The following PPFIA2 variants were observed in gnomAD, a reference collection of about 807,000 sequenced individuals.
PPFIA2 encodes PPFI scaffold protein A2.
In PPFIA2, 46 loss-of-function variants were observed where a neutral mutation model predicts 175.5. The ratio of observed to expected loss-of-function variants is 0.26; its 90% CI spans 0.21 to 0.34. The LOEUF is 0.34. PPFIA2 is among the 10% of genes least tolerant of loss of function. The pLI, the probability that PPFIA2 is intolerant of heterozygous loss-of-function variation, is 1.00. For missense variants in PPFIA2, 1,179 were observed against 1,506.1 expected (o/e 0.78, Z 3.60); for synonymous variants, 568 against 511.4 (o/e 1.11, Z -1.49).
chr12:81,668,383 TC>T (rs1487623574), intron 4 of PPFIA2, among the ~76,000 whole-genome samples: 1 of 152,006 alleles, frequency 6.6e-6, no homozygotes, highest in Non-Finnish European at 1.5e-5. Context: ...GACTTCTACC[TC>T]CCAAATTTAC....
intron 3 of PPFIA2, among the ~76,000 whole-genome samples, chr12:81,743,140 T>C (rs895168021): frequency 9.9e-5 from 15 of 151,770 alleles, no homozygotes; most frequent in Non-Finnish European, 1.6e-4. Flanking sequence ...CAAACAAGGC[T>C]GGGCATGGTG....
At chr12:81,586,298 G>A (rs951019739) in intron 4 of PPFIA2, among the ~76,000 whole-genome samples, 3 of 151,844 alleles carry the variant, frequency 2.0e-5, no homozygotes, top group African/African-American at 7.3e-5. Context: ...TCTATTTAAA[G>A]TTGCTGAGGT....
At chr12:81,648,070 TATA>T (rs1342454881) in intron 4 of PPFIA2, among the ~76,000 whole-genome samples, 1 of 150,422 alleles carries the variant, frequency 6.6e-6, no homozygotes, top group African/African-American at 2.4e-5. Context: ...ACAGAAAAAG[TATA>T]ATATCTCATG....
chr12:81,640,102 A>G (rs1212933364), intron 4 of PPFIA2, among the ~76,000 whole-genome samples: 2 of 152,164 alleles, frequency 1.3e-5, no homozygotes, highest in East Asian at 1.9e-4. Context: ...GAGTATGATT[A>G]TACATAAACA....
In PPFIA2 at chr12:81,327,305, TC is replaced by T. The variant is rs796700537; in HGVS notation, c.2549-1436del. Among the ~76,000 whole-genome samples, 9 of 152,190 alleles carry T rather than the reference TC, an allele frequency of 5.9e-5. No homozygotes were observed. The East Asian group carries it at 9.6e-4, about 16-fold the overall frequency. ...TGTTTAATGAATACGGGTACTTAAATCTTTTTTTATTATGAAAGATTTTTCT... is the reference window on the plus strand; with the variant it reads ...TGTTTAATGAATACGGGTACTTAAATTTTTTTTATTATGAAAGATTTTTCT... On this transcript the variant is annotated intron_variant, in intron 21 of 32. Coordinates refer to ENST00000549396, the MANE Select transcript of PPFIA2 (RefSeq NM_003625.5).
intron 22 of PPFIA2, among the ~76,000 whole-genome samples, chr12:81,299,588 G>T (rs2047320234): frequency 6.6e-6 from 1 of 152,082 alleles, no homozygotes; most frequent in South Asian, 2.1e-4. Flanking sequence ...ACATAGAAAA[G>T]TAATTTTCCC....
chr12:81,513,026 T>C (rs2061983628), intron 4 of PPFIA2, among the ~76,000 whole-genome samples: 2 of 151,980 alleles, frequency 1.3e-5, no homozygotes, highest in African/African-American at 4.8e-5. Context: ...ATATCCAGAA[T>C]TGACACAGAA....
At chr12:81,724,084 CT>C (rs1365794430) in intron 3 of PPFIA2, among the ~76,000 whole-genome samples, 2 of 150,712 alleles carry the variant, frequency 1.3e-5, no homozygotes, top group Non-Finnish European at 3.0e-5. Context: ...CATCTTTTGG[CT>C]TGGTTACAAT....
At chr12:81,700,630 AT>A (rs2076378971) in intron 3 of PPFIA2, among the ~76,000 whole-genome samples, 1 of 152,126 alleles carries the variant, frequency 6.6e-6, no homozygotes, top group Non-Finnish European at 1.5e-5. Context: ...CACTTCTGGC[AT>A]TGTGCACTAT....
At chr12:81,592,950 GT>G (rs1433452721) in intron 4 of PPFIA2, among the ~76,000 whole-genome samples, 2 of 151,926 alleles carry the variant, frequency 1.3e-5, no homozygotes, top group Non-Finnish European at 2.9e-5. Context: ...TAGAGACGGG[GT>G]TTCTCTGTGT....
At chr12:81,502,482 G>A (rs2060689308) in intron 4 of PPFIA2, among the ~76,000 whole-genome samples, 1 of 152,082 alleles carries the variant, frequency 6.6e-6, no homozygotes, top group African/African-American at 2.4e-5. Context: ...GTCTTGGTAG[G>A]TCCTAGTAAT....
chr12:81,579,875 T>C (rs1316401609), intron 4 of PPFIA2, among the ~76,000 whole-genome samples: 1 of 151,754 alleles, frequency 6.6e-6, no homozygotes, highest in Non-Finnish European at 1.5e-5. Flanking sequence ...TAATTCATTT[T>C]CTCCTACATA....
chr12:81,577,721 C>T (rs2073801979), intron 4 of PPFIA2, among the ~76,000 whole-genome samples: 1 of 151,668 alleles, frequency 6.6e-6, no homozygotes, highest in South Asian at 2.1e-4. Flanking sequence ...GCTAGAAAGG[C>T]CGTGTTAGCA....
chr12:81,313,211 A>G (rs2051388447), intron 22 of PPFIA2, among the ~76,000 whole-genome samples: 1 of 152,184 alleles, frequency 6.6e-6, no homozygotes, highest in Non-Finnish European at 1.5e-5. Flanking sequence ...TTTTAAAAAT[A>G]TATTACAAGC....
chr12:81,736,473 A>G (rs538323037), intron 3 of PPFIA2, among the ~76,000 whole-genome samples: 7 of 152,138 alleles, frequency 4.6e-5, no homozygotes, highest in Admixed American at 4.6e-4. Flanking sequence ...TAATAAAGGC[A>G]GTAACACAGT....
intron 17 of PPFIA2, among the ~76,000 whole-genome samples, chr12:81,348,884 G>A (rs561829984): frequency 7.2e-5 from 11 of 152,224 alleles, no homozygotes; most frequent in Middle Eastern, 3.4e-3. Flanking sequence ...TAAGGGGGTC[G>A]TAAAATTCTC....
chr12:81,718,903 T>C (rs140835424), intron 3 of PPFIA2, among the ~76,000 whole-genome samples: 207 of 151,578 alleles, frequency 1.4e-3, no homozygotes, highest in African/African-American at 4.7e-3. Flanking sequence ...GAAAGGGAAA[T>C]AGTGATAATA....
intron 4 of PPFIA2, among the ~76,000 whole-genome samples, chr12:81,514,780 G>T (rs575293569): frequency 1.3e-5 from 2 of 151,894 alleles, no homozygotes; most frequent in African/African-American, 4.8e-5. Flanking sequence ...TCCTGCATGG[G>T]CTACCTTTAT....
chr12:81,375,405 T>C (rs948841525), intron 10 of PPFIA2, among the ~76,000 whole-genome samples: 3 of 152,126 alleles, frequency 2.0e-5, no homozygotes, highest in African/African-American at 7.2e-5. Flanking sequence ...TATTCCATTA[T>C]TGGCTCTGGT....
Sources: allele counts gnomAD v4.1 joint callset (sites outside exome capture counted in the v4.1 genomes callset), GRCh38; gene constraint gnomAD v4.1.1; transcripts MANE v1.5; gene names NCBI Gene and HGNC (gene_info 2026-07-23, HGNC 2026-07-21).